TOPAZ1: variants seen among roughly 807,000 people sequenced by gnomAD.
TOPAZ1 encodes protein TOPAZ1.
A neutral mutation model predicts 172.2 loss-of-function variants in TOPAZ1; 66 were observed. The ratio of observed to expected loss-of-function variants is 0.38; its 90% confidence interval spans 0.31 to 0.47. The LOEUF is 0.47. Among genes scored for constraint, TOPAZ1 ranks in the 20% least tolerant of loss-of-function variants. The probability of loss-of-function intolerance (pLI) is 0.99; values close to 1 mark genes in which losing one functional copy is unlikely to be tolerated. For synonymous variants in TOPAZ1, 681 were observed against 683.9 expected (o/e 1.00, Z 0.07); for missense variants, 1,822 against 1,972.4 (o/e 0.92, Z 1.44).
intron 16 of TOPAZ1, among the ~76,000 whole-genome samples, chr3:44,319,343 C>G (rs78600261): frequency 0.035 from 5,294 of 152,164 alleles, 136 homozygotes; most frequent in Middle Eastern, 0.061. Flanking sequence ...AATGAATCTC[C>G]TAAAATACCA....
intron 14 of TOPAZ1, 86 bp from the exon 15 acceptor site, chr3:44,306,240 A>T: frequency 1.2e-6 from 1 of 804,542 alleles, no homozygotes; most frequent in Non-Finnish European, 2.0e-6. Context: ...TCTTTATGGT[A>T]GTATCAATAA....
At chr3:44,298,907 ATATTTTTT>A (rs1254069962) in intron 12 of TOPAZ1, among the ~76,000 whole-genome samples, 14 of 13,534 alleles carry the variant, frequency 1.0e-3, no homozygotes, top group African/African-American at 4.9e-3. Flanking sequence ...ATATATATAT[ATATTTTTT>A]TTTTTTTTTT....
At chr3:44,293,216 C>T (rs1280039103) in intron 12 of TOPAZ1, among the ~76,000 whole-genome samples, 1 of 152,188 alleles carries the variant, frequency 6.6e-6, no homozygotes, top group Non-Finnish European at 1.5e-5. Flanking sequence ...CAGTACATAA[C>T]ATTTGATAAT....
intron 8 of TOPAZ1, among the ~76,000 whole-genome samples, chr3:44,276,610 C>T (rs1377360889): frequency 2.3e-4 from 26 of 114,416 alleles, no homozygotes; most frequent in Non-Finnish European, 4.7e-4. Flanking sequence ...TAGTTTAATG[C>T]CTCCAGCTTT....
At position 44,270,756 on chromosome 3, in the gene TOPAZ1, C is replaced by T. The variant is rs1381912979; in HGVS notation, c.3318C>T (p.Gly1106=). Residue 1106 remains glycine (G), a synonymous_variant, in exon 8 of 20, where the codon GGC becomes GGT. Transcript: ENST00000309765. ...AATTTCATTTTAATACATTACGTGGCTGTGAGCGACCACTGTGCAAGTTTG... is the reference window on the plus strand; with the variant it reads ...AATTTCATTTTAATACATTACGTGGTTGTGAGCGACCACTGTGCAAGTTTG... ...YCKFHFNTLR[G]CERPLCKFAH... is the part of the protein sequence containing the mutation. The T allele has an allele frequency of 6.4e-7, 1 of 1,550,818 alleles. No individual in the cohort carries two copies. The highest frequency in any genetic ancestry group is 2.0e-5 in the Admixed American group (1 of 50,922).
chr3:44,287,592 G>C (rs1700094248), intron 10 of TOPAZ1, 52 bp downstream of exon 10: 1 of 1,275,170 alleles, frequency 7.8e-7, no homozygotes, highest in Non-Finnish European at 1.0e-6. Context: ...TAATTTCTCT[G>C]TCATATTCAT....
intron 7 of TOPAZ1, 134 bp from the exon 8 acceptor site, chr3:44,270,551 T>C (rs1046839761): frequency 1.2e-5 from 6 of 514,762 alleles, no homozygotes; most frequent in South Asian, 1.0e-4. Flanking sequence ...TATTTTTTCT[T>C]ATTAAATTAG....
At chr3:44,289,812 A>G (rs926192470) in intron 11 of TOPAZ1, among the ~76,000 whole-genome samples, 7 of 152,178 alleles carry the variant, frequency 4.6e-5, no homozygotes, top group Admixed American at 3.9e-4. Flanking sequence ...CTTCAGATCT[A>G]TACTGGAGAC....
chr3:44,305,659 A>G (rs1047638914), intron 14 of TOPAZ1, among the ~76,000 whole-genome samples: 1 of 152,246 alleles, frequency 6.6e-6, no homozygotes, highest in East Asian at 1.9e-4. Flanking sequence ...CATAAGTCAC[A>G]GCTCGGCCAG....
At chr3:44,301,590 A>C (rs745616276) in intron 12 of TOPAZ1, among the ~76,000 whole-genome samples, 2 of 152,088 alleles carry the variant, frequency 1.3e-5, no homozygotes, top group Non-Finnish European at 2.9e-5. Context: ...ATGGTGTTTT[A>C]GTTTGCATTT....
chr3:44,314,852 ATGT>A (rs1350741065), intron 16 of TOPAZ1, among the ~76,000 whole-genome samples: 3 of 152,028 alleles, frequency 2.0e-5, no homozygotes, highest in Non-Finnish European at 4.4e-5. Context: ...AGGTTTTTAG[ATGT>A]TGTTGATTCT....
chr3:44,282,101 C>T (rs1029727013), intron 9 of TOPAZ1, 70 bp downstream of exon 9: 1 of 1,081,814 alleles, frequency 9.2e-7, no homozygotes, highest in African/African-American at 1.6e-5. Context: ...AAAGTAAATT[C>T]AATAATTTGT....
chr3:44,306,364 G>A lies in TOPAZ1; in HGVS notation c.4078G>A (p.Val1360Ile), dbSNP rs1000661937. ...ACAAAACAGTAAAGTAGATAAAGGT[G>A]TACTGGGAAGAATTGGAATCAGTGC... is the stretch of plus-strand genomic sequence containing the variant. ...DPQNSKVDKG[V>I]LGRIGISAMY... The change falls in exon 15 of 20, where the codon GTA (valine) becomes ATA (isoleucine). Residue 1360 changes from valine (V) to isoleucine (I), a missense_variant. Physicochemically the swap from Val to Ile is conservative, Grantham distance 29. Coordinates refer to ENST00000309765, the MANE Select transcript of TOPAZ1 (RefSeq NM_001145030.2). 6.5e-7 allele frequency: 1 copy of A among 1,548,890 alleles called. No individual in the cohort carries two copies. Among genetic ancestry groups the A allele is most frequent in the African/African-American group, 1.4e-5 (1 of 73,138 alleles).
At chr3:44,314,731 T>C (rs950676956) in intron 16 of TOPAZ1, among the ~76,000 whole-genome samples, 22 of 152,088 alleles carry the variant, frequency 1.4e-4, no homozygotes, top group African/African-American at 5.1e-4. Context: ...TTCTCAACCT[T>C]GATTATCAGA....
chr3:44,265,717 G>C (rs1699823126), intron 5 of TOPAZ1, among the ~76,000 whole-genome samples: 1 of 152,214 alleles, frequency 6.6e-6, no homozygotes, highest in East Asian at 1.9e-4. Flanking sequence ...AGTAAACCAT[G>C]CTTTAAACAG....
Position 44,243,617 on chromosome 3 carries a change from G to A in TOPAZ1, c.1111G>A (p.Glu371Lys), listed in dbSNP as rs778634204. Residue 371 changes from glutamate to lysine, a missense_variant, in exon 2 of 20, where the codon GAA becomes AAA. Glu to Lys is a moderately conservative substitution (Grantham distance 56). Around this residue, in one of 2 missense-constraint regions of TOPAZ1, gnomAD observed 1,489 missense variants for 1,490.8 expected, o/e 1.00. Coordinates refer to ENST00000309765, the MANE Select transcript of TOPAZ1 (RefSeq NM_001145030.2). ...AAATCAAATGATTGCTGATGGTAAA[G>A]AAGCAGAGACTAAAAGTCCTTTAAA... Reference protein sequence around the residue: ...QENQMIADGKEAETKSPLNVL... With the variant: ...QENQMIADGKKAETKSPLNVL... 5.2e-6 allele frequency: 8 copies of A among 1,550,096 alleles called. No homozygotes were observed. The South Asian group carries it at 8.3e-5, about 16-fold the overall frequency.
At chr3:44,255,885 T>C (rs1432050549) in intron 3 of TOPAZ1, among the ~76,000 whole-genome samples, 1 of 151,110 alleles carries the variant, frequency 6.6e-6, no homozygotes, top group Non-Finnish European at 1.5e-5. Flanking sequence ...ATTTTATAAG[T>C]ATATTTAAAA....
In TOPAZ1 at chr3:44,305,127, G is replaced by T. The variant is rs1157689696; in HGVS notation, c.3865-20G>T. ...TTTCATTCTTTTTCTTTTTTGTTTT[G>T]TTTTTAATAATTTTGATAGCATTGT... On this transcript the variant is annotated intron_variant, in intron 13 of 19. Coordinates refer to ENST00000309765, the MANE Select transcript of TOPAZ1 (RefSeq NM_001145030.2). The T allele has an allele frequency of 1.0e-5, 15 of 1,457,536 alleles. No individual in the cohort carries two copies. Among genetic ancestry groups the T allele is most frequent in the Admixed American group, 2.8e-5 (1 of 36,134 alleles). 90.3% of individuals were successfully genotyped at this position (1,457,536 alleles called of 1,614,324 possible).
intron 9 of TOPAZ1, among the ~76,000 whole-genome samples, chr3:44,282,415 T>A (rs1700033379): frequency 6.6e-6 from 1 of 152,236 alleles, no homozygotes. Flanking sequence ...TCCAGTAAGT[T>A]CTGTGCAGTT....
Sources: gnomAD v4.1 joint callset for allele counts (sites outside exome capture counted in the v4.1 genomes callset) on GRCh38, gnomAD v4.1.1 for gene constraint, gnomAD v4.1.1 regional missense constraint, MANE v1.5 for transcripts, NCBI Gene and HGNC (gene_info 2026-07-23, HGNC 2026-07-21) for gene names.